The following SORBS2 variants were observed in gnomAD, a reference collection of about 807,000 sequenced individuals.
The protein encoded by SORBS2 is sorbin and SH3 domain containing 2.
Under a neutral mutation model 97.7 loss-of-function variants are expected in SORBS2, and 46 were observed. The ratio of observed to expected loss-of-function variants is 0.47; its 90% CI spans 0.37 to 0.60. The LOEUF (loss-of-function observed/expected upper bound fraction) is 0.60, where lower values mean the gene tolerates loss of function less well. SORBS2 is among the 20% of genes least tolerant of loss of function. SORBS2 has a pLI of 0.00. For synonymous variants in SORBS2, 476 were observed against 473.4 expected, an observed-to-expected ratio of 1.01 and a Z score of -0.07; for missense variants, 1,316 against 1,282.3, an observed-to-expected ratio of 1.03 and a Z score of -0.40.
intron 1 of SORBS2, among the ~76,000 whole-genome samples, chr4:185,832,848 G>A (rs2099205841): frequency 6.6e-6 from 1 of 152,182 alleles, no homozygotes; most frequent in African/African-American, 2.4e-5. Flanking sequence ...TCACAGCATA[G>A]GTTGGAGACC....
At chr4:185,737,626 G>T (rs55857714) in intron 2 of SORBS2, among the ~76,000 whole-genome samples, 1 of 152,184 alleles carries the variant, frequency 6.6e-6, no homozygotes, top group East Asian at 1.9e-4. Context: ...GGGTGGGGCC[G>T]TGAGCAGGGT....
At chr4:185,754,102 G>A (rs1183916045) in intron 2 of SORBS2, among the ~76,000 whole-genome samples, 1 of 151,990 alleles carries the variant, frequency 6.6e-6, no homozygotes, top group Admixed American at 6.6e-5. Context: ...TACACACCAT[G>A]GAATACCATG....
At chr4:185,832,521 T>A (rs549304506) in intron 1 of SORBS2, among the ~76,000 whole-genome samples, 5 of 152,352 alleles carry the variant, frequency 3.3e-5, no homozygotes, top group African/African-American at 1.2e-4. Flanking sequence ...TTGGTCACCA[T>A]GGACGTGGTT....
At chr4:185,692,390 G>T (rs2098113820) in intron 2 of SORBS2, among the ~76,000 whole-genome samples, 2 of 152,208 alleles carry the variant, frequency 1.3e-5, no homozygotes, top group Non-Finnish European at 2.9e-5. Context: ...ATGATCACCT[G>T]TCAAGAAAGA....
intron 12 of SORBS2, among the ~76,000 whole-genome samples, chr4:185,595,691 G>A (rs973566578): frequency 4.7e-5 from 7 of 149,332 alleles, no homozygotes; most frequent in Admixed American, 2.0e-4. Context: ...GTTCTCCCAC[G>A]TGTGTCTACA....
chr4:185,838,657 G>T (rs2099209653), intron 1 of SORBS2, among the ~76,000 whole-genome samples: 2 of 152,154 alleles, frequency 1.3e-5, no homozygotes, highest in Non-Finnish European at 2.9e-5. Flanking sequence ...TTCCTGCCTT[G>T]TCTTCAGTCT....
At chr4:185,801,833 C>G (rs561323228) in intron 1 of SORBS2, among the ~76,000 whole-genome samples, 2 of 152,268 alleles carry the variant, frequency 1.3e-5, no homozygotes, top group South Asian at 4.2e-4. Context: ...CAGGTAAAAC[C>G]CAATGAGCAC....
At chr4:185,937,172 T>C (rs1412572655) in intron 1 of SORBS2, among the ~76,000 whole-genome samples, 3 of 128,220 alleles carry the variant, frequency 2.3e-5, no homozygotes, top group South Asian at 2.2e-4. Flanking sequence ...CTTCTGCCAG[T>C]GAGTGAGTGA....
upstream of SORBS2, among the ~76,000 whole-genome samples, chr4:185,658,554 C>T (rs72718137): frequency 3.5e-4 from 53 of 152,114 alleles, 1 homozygote; most frequent in Admixed American, 2.4e-3. Flanking sequence ...TCAGGACTGC[C>T]ACTCAGAAAG....
At chr4:185,797,803 T>C (rs2099112390) in intron 1 of SORBS2, among the ~76,000 whole-genome samples, 1 of 152,112 alleles carries the variant, frequency 6.6e-6, no homozygotes, top group Admixed American at 6.5e-5. Context: ...TCCCTACTGT[T>C]CCTACATTCC....
chr4:185,678,274 T>C, intron 4 of SORBS2, 149 bp downstream of exon 7: 1 of 659,118 alleles, frequency 1.5e-6, no homozygotes, highest in Non-Finnish European at 2.3e-6. Context: ...ATGTTGTAAA[T>C]ACAAACCTGG....
intron 1 of SORBS2, among the ~76,000 whole-genome samples, chr4:185,878,263 G>A (rs950250934): frequency 2.0e-5 from 3 of 152,146 alleles, no homozygotes; most frequent in Admixed American, 2.0e-4. Context: ...TTAAGTAAGA[G>A]TGGAAACGTG....
intron 1 of SORBS2, among the ~76,000 whole-genome samples, chr4:185,655,306 T>C (rs191149816): frequency 1.3e-5 from 2 of 152,350 alleles, no homozygotes; most frequent in Non-Finnish European, 2.9e-5. Flanking sequence ...GCATGGTACA[T>C]TGTGACAGTA....
chr4:185,699,428 C>T (rs993825117), intron 2 of SORBS2, among the ~76,000 whole-genome samples: 4 of 151,570 alleles, frequency 2.6e-5, no homozygotes, highest in African/African-American at 7.3e-5. Flanking sequence ...CTGGGGTTAC[C>T]GGTGTGTGCC....
chr4:185,769,090 A>G (rs1442518932), intron 2 of SORBS2, among the ~76,000 whole-genome samples: 1 of 116,588 alleles, frequency 8.6e-6, no homozygotes, highest in Admixed American at 8.8e-5. Context: ...AGGGAAAAAA[A>G]AAAGTCAACC....
At chr4:185,775,770 C>T (rs949016251) in intron 1 of SORBS2, 1 of 152,108 alleles carries the variant, frequency 6.6e-6, no homozygotes, top group African/African-American at 2.4e-5. Context: ...CTGATATTTC[C>T]TAGGGGGTCT....
intron 2 of SORBS2, among the ~76,000 whole-genome samples, chr4:185,722,466 CA>C (rs1438737274): frequency 2.6e-5 from 4 of 152,260 alleles, no homozygotes; most frequent in Non-Finnish European, 4.4e-5. Flanking sequence ...TAACACGAAG[CA>C]GCTACATTGC....
intron 1 of SORBS2, among the ~76,000 whole-genome samples, chr4:185,809,045 T>C (rs1387067646): frequency 6.6e-6 from 1 of 152,156 alleles, no homozygotes; most frequent in Non-Finnish European, 1.5e-5. Flanking sequence ...CCTGAAGCCA[T>C]ATTTTCAAAT....
chr4:185,620,725 T>C (rs1382028585), intron 7 of SORBS2, among the ~76,000 whole-genome samples: 2 of 152,200 alleles, frequency 1.3e-5, no homozygotes, highest in Non-Finnish European at 2.9e-5. Context: ...TAAATACTTA[T>C]TGAATCTCAA....
Sources: gnomAD v4.1 joint callset for allele counts (sites outside exome capture counted in the v4.1 genomes callset) on GRCh38, gnomAD v4.1.1 for gene constraint, MANE v1.5 for transcripts, NCBI Gene and HGNC (gene_info 2026-07-23, HGNC 2026-07-21) for gene names.